ZFR2: variants seen among roughly 807,000 people sequenced by gnomAD.
The protein encoded by ZFR2 is zinc finger RNA-binding protein 2.
Under a neutral mutation model 105.7 loss-of-function variants are expected in ZFR2, and 104 were observed. That is an observed-to-expected ratio of 0.98 (90% CI 0.84 to 1.16). ZFR2 has a LOEUF of 1.16. ZFR2 is among the 50% of genes most tolerant of loss of function. The pLI, the probability that ZFR2 is intolerant of heterozygous loss-of-function variation, is 0.00. For missense variants in ZFR2, 1,425 were observed against 1,355.5 expected, an observed-to-expected ratio of 1.05 and a Z score of -0.80; for synonymous variants, 634 against 597.7, an observed-to-expected ratio of 1.06 and a Z score of -0.89.
chr19:3,840,328 C>T (rs1391275339), intron 1 of ZFR2, among the ~76,000 whole-genome samples: 1 of 148,082 alleles, frequency 6.8e-6, no homozygotes, highest in African/African-American at 2.5e-5. Context: ...ACCTCTGCCC[C>T]TCGGGTTCAA....
At chr19:3,856,369 G>T (rs1305520158) in intron 1 of ZFR2, among the ~76,000 whole-genome samples, 2 of 152,184 alleles carry the variant, frequency 1.3e-5, no homozygotes, top group Non-Finnish European at 2.9e-5. Flanking sequence ...GCTGGAGTCA[G>T]AAACTGGGTG....
intron 1 of ZFR2, among the ~76,000 whole-genome samples, chr19:3,842,753 A>G (rs2038146518): frequency 6.6e-6 from 1 of 151,632 alleles, no homozygotes; most frequent in Admixed American, 6.6e-5. Flanking sequence ...CCTGTCGAGT[A>G]GCTGGGATTG....
intron 3 of ZFR2, among the ~76,000 whole-genome samples, chr19:3,832,171 C>T (rs1334331680): frequency 6.6e-6 from 1 of 152,146 alleles, no homozygotes; most frequent in Non-Finnish European, 1.5e-5. Context: ...CCTGCCACCC[C>T]GGGAAAGCTT....
intron 6 of ZFR2, 23 bp downstream of exon 6, chr19:3,827,448 G>A: frequency 6.6e-7 from 1 of 1,513,254 alleles, no homozygotes; most frequent in South Asian, 1.2e-5. Context: ...GGGTGGCAGA[G>A]CCTGGGCCGG....
intron 1 of ZFR2, chr19:3,855,373 C>T (rs2038285119): frequency 2.4e-6 from 3 of 1,231,018 alleles, no homozygotes; most frequent in African/African-American, 3.1e-5. Flanking sequence ...GCGGGTTGCA[C>T]TATGAGAAAT....
chr19:3,833,874 AGTCCTTCCT>A, intron 2 of ZFR2, 96 bp from the exon 3 acceptor site: 1 of 937,822 alleles, frequency 1.1e-6, no homozygotes, highest in Non-Finnish European at 1.6e-6. Flanking sequence ...CTCTGCACTT[AGTCCTTCCT>A]GCAGCGCTGG....
At position 3,831,875 on chromosome 19, in the gene ZFR2, G is replaced by C; in HGVS notation, c.383C>G (p.Thr128Ser). Residue 128 changes from threonine to serine, a missense_variant, in exon 4 of 19, where the codon ACC becomes AGC. Coordinates refer to ENST00000262961, the MANE Select transcript of ZFR2 (RefSeq NM_015174.2). ...MTAADSGQPGTQEACGQPSPH... is the reference protein window; with the variant it reads ...MTAADSGQPGSQEACGQPSPH... Reference sequence around the variant, plus strand: ...GCTGGGCTGCCCGCAGGCTTCTTGGGTCCCTAGGGGACAGGGACAGGCCCT... The same window carrying C: ...GCTGGGCTGCCCGCAGGCTTCTTGGCTCCCTAGGGGACAGGGACAGGCCCT... 1 of 1,568,948 alleles carries C rather than the reference G, an allele frequency of 6.4e-7. No homozygotes were observed. The highest frequency in any genetic ancestry group is 8.6e-7 in the Non-Finnish European group (1 of 1,162,292).
intron 13 of ZFR2, among the ~76,000 whole-genome samples, 154 bp from the exon 14 acceptor site, chr19:3,814,112 T>C (rs935285935): frequency 6.6e-6 from 1 of 152,064 alleles, no homozygotes; most frequent in South Asian, 2.1e-4. Flanking sequence ...GTCTGGAACC[T>C]CCAAGTGACC....
chr19:3,835,667 G>A (rs568297749), intron 1 of ZFR2, among the ~76,000 whole-genome samples: 33 of 151,386 alleles, frequency 2.2e-4, no homozygotes, highest in African/African-American at 6.8e-4. Flanking sequence ...GTGTCTGGCC[G>A]GGTGTGGTAG....
intron 9 of ZFR2, 117 bp downstream of exon 9, chr19:3,821,963 CT>C: frequency 1.4e-6 from 2 of 1,406,074 alleles, no homozygotes. Flanking sequence ...AAAATCACCC[CT>C]CCCTCTTAAG....
At position 3,808,008 on chromosome 19, in the gene ZFR2, T is replaced by C. The variant is rs375160667; in HGVS notation, c.2546-739A>G. On this transcript the variant is annotated intron_variant, in intron 17 of 18. Coordinates refer to ENST00000262961, the MANE Select transcript of ZFR2 (RefSeq NM_015174.2). ...GTGCCCGTGTGTGCAGGTACATCCA[T>C]GTGTGCACCTGTATGTGCACTCATG... Among the ~76,000 whole-genome samples the C allele has an allele frequency of 2.8e-3, 421 of 147,946 alleles. 1 individual carries two copies. The highest frequency in any genetic ancestry group is 5.0e-3 in the Non-Finnish European group (332 of 66,894).
At chr19:3,821,210 A>G (rs1170238237) in intron 10 of ZFR2, 130 bp downstream of exon 10, 1 of 1,300,170 alleles carries the variant, frequency 7.7e-7, no homozygotes, top group Non-Finnish European at 1.0e-6. Flanking sequence ...CTGCCCGGGC[A>G]CCCGTCTCCC....
At chr19:3,816,168 T>C (rs544920668) in intron 13 of ZFR2, among the ~76,000 whole-genome samples, 2 of 151,642 alleles carry the variant, frequency 1.3e-5, no homozygotes, top group Non-Finnish European at 2.9e-5. Flanking sequence ...CTCAAAGTGC[T>C]GGGATTTCAG....
Position 3,834,659 on chromosome 19 carries a change from G to T in ZFR2, c.264+114C>A. On this transcript the variant is annotated intron_variant, in intron 2 of 18. Coordinates refer to ENST00000262961, the MANE Select transcript of ZFR2 (RefSeq NM_015174.2). This position sits in a 1 kb window ranked among gnomAD's most constrained non-coding sequence, Gnocchi z 5.3. The stretch of plus-strand genomic sequence containing the variant: ...TGCCAGCAGAAGGGTCCCGAAGGAA[G>T]GATCACGGTTAAGAGGCCTGGGAGA... The T allele has an allele frequency of 8.7e-7, 1 of 1,154,932 alleles. No homozygotes were observed. 71.5% of individuals were successfully genotyped at this position (1,154,932 alleles called of 1,614,324 possible).
In ZFR2 at chr19:3,835,164, C is replaced by T. The variant is rs540296441; in HGVS notation, c.54-181G>A. Among the ~76,000 whole-genome samples, 7 of 152,214 alleles carry T rather than the reference C, an allele frequency of 4.6e-5. No homozygotes were observed. In the South Asian group the frequency reaches 8.3e-4, roughly 18 times the overall value. ...ACAAATTAACACCGTCTCACAACAA[C>T]GCTGTAATGCTGGGCCTATCACTGC... is the stretch of plus-strand genomic sequence containing the variant. On this transcript the variant is annotated intron_variant, in intron 1 of 18. Coordinates refer to ENST00000262961, the MANE Select transcript of ZFR2 (RefSeq NM_015174.2).
chr19:3,830,260 TGA>T (rs1225234714), intron 5 of ZFR2, among the ~76,000 whole-genome samples: 1 of 152,052 alleles, frequency 6.6e-6, no homozygotes, highest in Non-Finnish European at 1.5e-5. Flanking sequence ...GGCGACATAG[TGA>T]GACCCCATCT....
At chr19:3,827,194 A>G (rs1337412062) in intron 6 of ZFR2, among the ~76,000 whole-genome samples, 2 of 152,190 alleles carry the variant, frequency 1.3e-5, no homozygotes, top group Non-Finnish European at 2.9e-5. Context: ...GTGAGCCGAG[A>G]TTGTGCCCCT....
At chr19:3,860,998 C>T (rs911957536) in intron 1 of ZFR2, among the ~76,000 whole-genome samples, 2 of 152,112 alleles carry the variant, frequency 1.3e-5, no homozygotes, top group African/African-American at 2.4e-5. Flanking sequence ...CAGACACCAC[C>T]GGCTCTTTAT....
At chr19:3,821,276 T>C in intron 10 of ZFR2, 64 bp downstream of exon 10, 1 of 1,467,438 alleles carries the variant, frequency 6.8e-7, no homozygotes, top group Non-Finnish European at 9.0e-7. Flanking sequence ...AGTGGGCGTC[T>C]AGGTTCCACG....
Sources: gnomAD v4.1 joint callset for allele counts (sites outside exome capture counted in the v4.1 genomes callset) on GRCh38, gnomAD v4.1.1 for gene constraint, Gnocchi (gnomAD v3.1) non-coding constraint, MANE v1.5 for transcripts, NCBI Gene and HGNC (gene_info 2026-07-23, HGNC 2026-07-21) for gene names.